Variants in HNF1B observed in about 807,000 individuals in gnomAD.
HNF1B encodes hepatocyte nuclear factor 1-beta.
A neutral mutation model predicts 61.7 loss-of-function variants in HNF1B; 8 were observed. The observed-to-expected ratio is 0.13, with a 90% CI of 0.08 to 0.23. The LOEUF is 0.23. Ranked by LOEUF, HNF1B falls within the 10% of genes least tolerant of loss-of-function variation. The probability of loss-of-function intolerance (pLI) is 1.00; values close to 1 mark genes in which losing one functional copy is unlikely to be tolerated. For synonymous variants in HNF1B, 314 were observed against 287.7 expected (o/e 1.09, Z -0.93); for missense variants, 562 against 714.5 (o/e 0.79, Z 2.43).
chr17:37,687,630 G>T (rs1008005333), intron 8 of HNF1B, among the ~76,000 whole-genome samples: 1 of 152,188 alleles, frequency 6.6e-6, no homozygotes, highest in African/African-American at 2.4e-5. Context: ...GAATTGCTGG[G>T]GACCTTGAAG....
intron 4 of HNF1B, among the ~76,000 whole-genome samples, chr17:37,718,157 A>C (rs2033185732): frequency 6.6e-6 from 1 of 151,786 alleles, no homozygotes; most frequent in Non-Finnish European, 1.5e-5. Context: ...CCAAGAAAAG[A>C]AAAAAAAATC....
At chr17:37,725,622 T>G (rs918472248) in intron 4 of HNF1B, among the ~76,000 whole-genome samples, 3 of 152,232 alleles carry the variant, frequency 2.0e-5, no homozygotes, top group Non-Finnish European at 4.4e-5. Context: ...CAAGTCAGTA[T>G]GAATGTGTTT....
chr17:37,736,070 A>C (rs2033824110), intron 2 of HNF1B, among the ~76,000 whole-genome samples: 1 of 152,184 alleles, frequency 6.6e-6, no homozygotes, highest in African/African-American at 2.4e-5. Flanking sequence ...GCCCCACCTG[A>C]TTATACTTTT....
intron 2 of HNF1B, among the ~76,000 whole-genome samples, chr17:37,735,207 T>C (rs1402983825): frequency 2.0e-5 from 3 of 152,196 alleles, no homozygotes; most frequent in Admixed American, 1.3e-4. Flanking sequence ...ATCCTTCCTG[T>C]TCCTTTGGAC....
intron 8 of HNF1B, among the ~76,000 whole-genome samples, chr17:37,695,624 T>C (rs2147431859): frequency 6.6e-6 from 1 of 152,336 alleles, no homozygotes; most frequent in Non-Finnish European, 1.5e-5. Context: ...CCCAAGGCCT[T>C]GGGAGCCCAC....
At chr17:37,690,291 G>T (rs969206427) in intron 8 of HNF1B, among the ~76,000 whole-genome samples, 14 of 152,100 alleles carry the variant, frequency 9.2e-5, no homozygotes, top group African/African-American at 2.9e-4. Context: ...AAGCTGAGCG[G>T]GTGATGGAGG....
intron 1 of HNF1B, among the ~76,000 whole-genome samples, chr17:37,743,222 G>A (rs1002045028): frequency 3.3e-5 from 5 of 152,074 alleles, no homozygotes; most frequent in African/African-American, 1.2e-4. Context: ...CATCCGCCAG[G>A]TCCTGAGCGA....
chr17:37,728,337 C>T lies in HNF1B; in HGVS notation c.1045+3258G>A, dbSNP rs533135911. On this transcript the variant is annotated intron_variant, in intron 4 of 8. Transcript: ENST00000617811. ...TTTTTTTTTTTTTGAGACGGAGTCT[C>T]GCTCTGTCACCCAGGCTAGAGTGCA... Among the ~76,000 whole-genome samples, 395 of 149,136 alleles carry T rather than the reference C, an allele frequency of 2.6e-3. 1 individual carries two copies. Among genetic ancestry groups the T allele is most frequent in the Non-Finnish European group, 4.1e-3 (277 of 67,428 alleles).
intron 8 of HNF1B, among the ~76,000 whole-genome samples, chr17:37,688,712 T>A (rs1191068681): frequency 2.0e-5 from 3 of 152,200 alleles, no homozygotes; most frequent in Admixed American, 1.3e-4. Flanking sequence ...TGCCTCAGTT[T>A]CTTCCCCTAT....
At chr17:37,729,482 A>T (rs1180977588) in intron 4 of HNF1B, 1 of 151,908 alleles carries the variant, frequency 6.6e-6, no homozygotes, top group African/African-American at 2.4e-5. Context: ...GCCACTGATA[A>T]TATTCAGTGT....
intron 6 of HNF1B, among the ~76,000 whole-genome samples, chr17:37,701,532 T>G (rs963480601): frequency 6.6e-6 from 1 of 152,226 alleles, no homozygotes; most frequent in Non-Finnish European, 1.5e-5. Flanking sequence ...GAGAGAGGCT[T>G]GCCCTGGTGC....
chr17:37,740,774 T>C (rs565353327), intron 1 of HNF1B, among the ~76,000 whole-genome samples: 1 of 152,246 alleles, frequency 6.6e-6, no homozygotes, highest in Non-Finnish European at 1.5e-5. Context: ...TTTTAAATAC[T>C]GGATAAGAAC....
intron 1 of HNF1B, among the ~76,000 whole-genome samples, chr17:37,741,366 CT>C (rs1476199772): frequency 6.6e-6 from 1 of 152,036 alleles, no homozygotes; most frequent in East Asian, 1.9e-4. Context: ...GAAATGCAAA[CT>C]TTTTATATTA....
intron 4 of HNF1B, among the ~76,000 whole-genome samples, chr17:37,725,773 C>T (rs1000071885): frequency 5.9e-5 from 9 of 152,344 alleles, no homozygotes; most frequent in African/African-American, 2.2e-4. Flanking sequence ...CTCATAAACC[C>T]CTCCCGCTGT....
At chr17:37,700,941 G>A (rs1435353312) in intron 7 of HNF1B, 42 bp downstream of exon 7, 1 of 1,533,926 alleles carries the variant, frequency 6.5e-7, no homozygotes, top group African/African-American at 1.4e-5. Flanking sequence ...TGGCCACTGA[G>A]GGTCCTGAGT....
At chr17:37,695,804 C>T (rs555334765) in intron 8 of HNF1B, among the ~76,000 whole-genome samples, 1 of 152,306 alleles carries the variant, frequency 6.6e-6, no homozygotes, top group African/African-American at 2.4e-5. Flanking sequence ...GCCTGTACCA[C>T]CATTGTATTT....
intron 4 of HNF1B, among the ~76,000 whole-genome samples, chr17:37,727,881 G>A (rs2033553069): frequency 6.6e-6 from 1 of 152,156 alleles, no homozygotes; most frequent in African/African-American, 2.4e-5. Context: ...AGAGGGGAGA[G>A]CGTGGAGAGT....
chr17:37,710,033 G>A (rs1395719076), intron 5 of HNF1B, among the ~76,000 whole-genome samples: 1 of 152,114 alleles, frequency 6.6e-6, no homozygotes, highest in Non-Finnish European at 1.5e-5. Context: ...TCTCCCCATC[G>A]CCTCCTATCC....
intron 4 of HNF1B, among the ~76,000 whole-genome samples, chr17:37,716,779 A>G (rs957879058): frequency 6.6e-6 from 1 of 151,932 alleles, no homozygotes; most frequent in Non-Finnish European, 1.5e-5. Context: ...AAGAGCTTCA[A>G]AAAATCATGG....
Sources: gnomAD v4.1 joint callset for allele counts (sites outside exome capture counted in the v4.1 genomes callset) on GRCh38, gnomAD v4.1.1 for gene constraint, MANE v1.5 for transcripts, NCBI Gene and HGNC (gene_info 2026-07-23, HGNC 2026-07-21) for gene names.